Variants in MCF2 observed in about 807,000 individuals in gnomAD.
The protein encoded by MCF2 is proto-oncogene DBL.
MCF2 carries 44 observed loss-of-function variants against 82.5 expected under a neutral mutation model. The observed-to-expected ratio is 0.53, with a 90% CI of 0.42 to 0.69. The LOEUF (loss-of-function observed/expected upper bound fraction) is 0.69. MCF2 is among the 30% of genes least tolerant of loss of function. The probability of loss-of-function intolerance (pLI) is 0.00; values close to 1 mark genes in which losing one functional copy is unlikely to be tolerated. For missense variants in MCF2, 623 were observed against 663.1 expected (o/e 0.94, Z 0.66); for synonymous variants, 217 against 224.9 (o/e 0.96, Z 0.32).
chrX:139,631,281 GT>G (rs769747224), intron 3 of MCF2, 113 bp downstream of exon 6: 11 of 420,356 alleles, frequency 2.6e-5, no homozygotes, highest in Non-Finnish European at 3.9e-5. Context: ...GAAAGCTGGG[GT>G]TTTTTTGTTT....
chrX:139,598,871 A>T (rs1057374557), intron 16 of MCF2, among the ~76,000 whole-genome samples: 1 of 111,583 alleles, frequency 9.0e-6, no homozygotes, highest in African/African-American at 3.3e-5. Context: ...CTACAAGCCA[A>T]GGCTCAGAAA....
intron 2 of MCF2, 30 bp downstream of exon 2, chrX:139,651,690 T>G (rs972622837): frequency 6.1e-6 from 6 of 977,869 alleles, no homozygotes; most frequent in Non-Finnish European, 8.5e-6. Context: ...CATATATCTA[T>G]CTGGACTATA....
chrX:139,621,976 C>T (rs1392180898), intron 6 of MCF2, among the ~76,000 whole-genome samples: 4 of 111,423 alleles, frequency 3.6e-5, no homozygotes, highest in East Asian at 2.8e-4. Context: ...TCGCAACCTA[C>T]TCATCTGACA....
At chrX:139,582,781 A>G (rs191335168) in intron 24 of MCF2, among the ~76,000 whole-genome samples, 17 of 111,932 alleles carry the variant, frequency 1.5e-4, no homozygotes, top group African/African-American at 4.9e-4. Flanking sequence ...GCTAGAAAAA[A>G]AAATGCCTAC....
chrX:139,665,901 A>G (rs373508348), intron 1 of MCF2, among the ~76,000 whole-genome samples: 9,904 of 86,707 alleles, frequency 0.11, 1,404 homozygotes, highest in African/African-American at 0.39. Flanking sequence ...GTGTGTGTAT[A>G]TATATATATA....
rs1443388754 is a variant in MCF2, at chrX:139,589,741, T to C, written c.2370+94A>G. 7.1e-5 allele frequency: 44 copies of C among 615,433 alleles called. No individual in the cohort carries two copies. The Admixed American group carries it at 1.4e-3, about 20-fold the overall frequency. 50.7% of individuals were successfully genotyped at this position (615,433 alleles called of 1,213,427 possible). ...GACCTACATGAAAGGGGTGGAAATT[T>C]TGAAATGCGACCAAAATTATTTTTG... is the stretch of plus-strand genomic sequence containing the variant. On this transcript the variant is annotated intron_variant, in intron 20 of 24. Transcript: ENST00000370576.
chrX:139,642,450 T>C (rs1404553575), intron 1 of MCF2: 2 of 1,211,271 alleles, frequency 1.7e-6, no homozygotes, highest in Non-Finnish European at 2.2e-6. Flanking sequence ...TTTCCAGGAG[T>C]GCAGACAGAG....
At chrX:139,642,703 A>G (rs1933644976) in exon 1 of MCF2, 2 of 1,081,748 alleles carry the variant, frequency 1.8e-6, no homozygotes, top group Non-Finnish European at 2.4e-6. Context: ...AAAAACCACT[A>G]TCCCTGATTA....
chrX:139,624,404 G>C (rs1233581653), intron 6 of MCF2, among the ~76,000 whole-genome samples: 1 of 109,549 alleles, frequency 9.1e-6, no homozygotes, highest in African/African-American at 3.3e-5. Context: ...GCCAGGCATG[G>C]TGGTGCATAC....
At chrX:139,588,467 GGTGGT>G in intron 20 of MCF2, 29 bp from the exon 25 acceptor site, 1 of 948,446 alleles carries the variant, frequency 1.1e-6, no homozygotes, top group Non-Finnish European at 1.5e-6. Flanking sequence ...GCGGGAGGGA[GGTGGT>G]ACACATTTCC....
At chrX:139,690,251 G>A (rs773641557) in intron 1 of MCF2, among the ~76,000 whole-genome samples, 1 of 106,746 alleles carries the variant, frequency 9.4e-6, no homozygotes, top group Admixed American at 1.0e-4. Context: ...AGAAATAAGA[G>A]AAATCACTAG....
chrX:139,629,748 G>C (rs1226618698), exon 4 of MCF2: 1 of 1,202,268 alleles, frequency 8.3e-7, no homozygotes, highest in Non-Finnish European at 1.1e-6. Flanking sequence ...TCTATTGAGG[G>C]AATATCATCT....
chrX:139,686,503 T>C (rs369726085), intron 1 of MCF2, among the ~76,000 whole-genome samples: 1 of 108,914 alleles, frequency 9.2e-6, no homozygotes, highest in South Asian at 4.1e-4. Flanking sequence ...GCTTGGGTGA[T>C]AGAGTGAGAC....
chrX:139,627,834 T>C (rs897098413), intron 4 of MCF2, among the ~76,000 whole-genome samples: 5 of 112,048 alleles, frequency 4.5e-5, no homozygotes, highest in Non-Finnish European at 9.4e-5. Flanking sequence ...ACATGCAGTT[T>C]GTGAAAAACA....
chrX:139,597,057 A>T (rs1468248775), intron 18 of MCF2, among the ~76,000 whole-genome samples: 1 of 111,077 alleles, frequency 9.0e-6, no homozygotes, highest in East Asian at 2.9e-4. Flanking sequence ...TTGGTGCATG[A>T]TATATACCAG....
chrX:139,686,157 G>A (rs868445726), intron 1 of MCF2, among the ~76,000 whole-genome samples: 6 of 109,895 alleles, frequency 5.5e-5, no homozygotes, highest in Non-Finnish European at 7.6e-5. Flanking sequence ...ACCCACAGCC[G>A]ACATCACACT....
rs146247216 is a variant in MCF2 at position 139,640,026 on chromosome X, C to T, written c.51+2442G>A. On this transcript the variant is annotated intron_variant, in intron 1 of 24. Transcript: ENST00000370576. ...TTTTACAGAGGAGCAAACTGAAGCA[C>T]AGTTGGTAAGCAGCGGTAGTACGGC... Among the ~76,000 whole-genome samples, 657 of 110,715 alleles carry T rather than the reference C, an allele frequency of 5.9e-3. 22 individuals carry two copies. The highest frequency in any genetic ancestry group is 0.058 in the East Asian group (202 of 3,493).
chrX:139,662,215 T>G (rs750763345), intron 1 of MCF2, among the ~76,000 whole-genome samples: 4 of 111,654 alleles, frequency 3.6e-5, no homozygotes, highest in Non-Finnish European at 7.5e-5. Flanking sequence ...ATTAAATATC[T>G]GAGAAATTGA....
At chrX:139,703,169 C>G (rs1034769341) in intron 1 of MCF2, among the ~76,000 whole-genome samples, 1 of 111,928 alleles carries the variant, frequency 8.9e-6, no homozygotes, top group Admixed American at 9.5e-5. Context: ...GTAATGTGCC[C>G]TAATACACCT....
Sources: gnomAD v4.1 joint callset for allele counts (sites outside exome capture counted in the v4.1 genomes callset) on GRCh38, gnomAD v4.1.1 for gene constraint, MANE v1.5 for transcripts, NCBI Gene and HGNC (gene_info 2026-07-23, HGNC 2026-07-21) for gene names.